The following ATAD1 variants were observed in gnomAD, a reference collection of about 807,000 sequenced individuals.
ATAD1 encodes outer mitochondrial transmembrane helix translocase.
ATAD1 carries 18 observed loss-of-function variants against 42.7 expected under a neutral mutation model. The observed-to-expected ratio is 0.42, with a 90% confidence interval of 0.29 to 0.63. The LOEUF (loss-of-function observed/expected upper bound fraction) is 0.63. Ranked by LOEUF, ATAD1 falls within the 20% of genes least tolerant of loss-of-function variation. The pLI, the probability that ATAD1 is intolerant of heterozygous loss-of-function variation, is 0.19. For missense variants in ATAD1, 294 were observed against 440.4 expected, an observed-to-expected ratio of 0.67 and a Z score of 2.98; for synonymous variants, 132 against 143.1, an observed-to-expected ratio of 0.92 and a Z score of 0.55.
intron 4 of ATAD1, among the ~76,000 whole-genome samples, chr10:87,789,940 A>C (rs1856016042): frequency 6.6e-6 from 1 of 151,768 alleles, no homozygotes; most frequent in Admixed American, 6.6e-5. Context: ...TCTAAAAATA[A>C]GATCGTTGGA....
chr10:87,825,308 C>CTTTTTT (rs1267573215), intron 1 of ATAD1, among the ~76,000 whole-genome samples: 1 of 132,944 alleles, frequency 7.5e-6, no homozygotes, highest in African/African-American at 2.8e-5. Flanking sequence ...AAATCTTAAC[C>CTTTTTT]TTTTTTTTTT....
At chr10:87,787,856 AT>A (rs1300225147) in intron 4 of ATAD1, among the ~76,000 whole-genome samples, 1 of 152,116 alleles carries the variant, frequency 6.6e-6, no homozygotes, top group Non-Finnish European at 1.5e-5. Flanking sequence ...TTTTAAAATT[AT>A]TTTTTTCCTT....
At chr10:87,811,638 G>A (rs1857189174) in intron 2 of ATAD1, among the ~76,000 whole-genome samples, 1 of 152,168 alleles carries the variant, frequency 6.6e-6, no homozygotes, top group Admixed American at 6.5e-5. Flanking sequence ...AATCTTGATG[G>A]TGGTGAGGGG....
chr10:87,778,301 A>G (rs1002557590), intron 5 of ATAD1, among the ~76,000 whole-genome samples: 5 of 151,866 alleles, frequency 3.3e-5, no homozygotes, highest in African/African-American at 1.2e-4. Flanking sequence ...TTAAACAACT[A>G]TATGCTTGCT....
rs925713972 is a variant in ATAD1, at chr10:87,818,212, A to G, written c.-59T>C. The G allele has an allele frequency of 3.0e-6, 3 of 985,428 alleles. No homozygotes were observed. The African/African-American group carries it at 5.2e-5, about 17-fold the overall frequency. The allele number at this position is 985,428 out of a possible 1,614,324, so 61.0% of individuals were successfully genotyped here. On this transcript the variant is annotated 5_prime_UTR_variant, in exon 1 of 10. Transcript: ENST00000680024. ...AGCAAGTGCCCTCAGCCGGCCTCAC[A>G]CAGGAAGGAAACGCAACCTGGGAGA...
intron 8 of ATAD1, among the ~76,000 whole-genome samples, chr10:87,760,431 T>C (rs34466534): frequency 0.29 from 44,635 of 152,054 alleles, 6,764 homozygotes; most frequent in Middle Eastern, 0.31. Flanking sequence ...TTGACCATGA[T>C]TGTTAAGTTT....
chr10:87,819,397 A>G (rs1304364667), upstream of ATAD1: 1 of 151,718 alleles, frequency 6.6e-6, no homozygotes, highest in African/African-American at 2.4e-5. Flanking sequence ...GGCTGCAGTG[A>G]TCAAGCCACT....
chr10:87,838,461 CAA>C (rs770282016), intron 1 of ATAD1, among the ~76,000 whole-genome samples: 1,076 of 42,448 alleles, frequency 0.025, 6 homozygotes, highest in African/African-American at 0.087. Context: ...GACTCTATCT[CAA>C]AAAAAAAAAA....
At chr10:87,824,482 T>G (rs1380507157) in intron 1 of ATAD1, among the ~76,000 whole-genome samples, 1 of 152,210 alleles carries the variant, frequency 6.6e-6, no homozygotes, top group Non-Finnish European at 1.5e-5. Context: ...TTTCCTTATA[T>G]TTAATATGGG....
chr10:87,776,659 A>T (rs1339576125), intron 5 of ATAD1, among the ~76,000 whole-genome samples: 1 of 151,598 alleles, frequency 6.6e-6, no homozygotes, highest in African/African-American at 2.4e-5. Flanking sequence ...TTCTGTAGAG[A>T]CAGGTTGACT....
chr10:87,795,172 T>C (rs1170486493), intron 2 of ATAD1, among the ~76,000 whole-genome samples: 1 of 152,178 alleles, frequency 6.6e-6, no homozygotes, highest in African/African-American at 2.4e-5. Flanking sequence ...CTGATTTGTC[T>C]AATTTCGAAT....
At chr10:87,754,966 A>T (rs528271350) in intron 9 of ATAD1, among the ~76,000 whole-genome samples, 159 bp from the exon 10 acceptor site, 1 of 152,314 alleles carries the variant, frequency 6.6e-6, no homozygotes, top group Admixed American at 6.5e-5. Flanking sequence ...ACCATTCAAG[A>T]CCCCAAAGAC....
intron 2 of ATAD1, among the ~76,000 whole-genome samples, chr10:87,796,085 T>C (rs1014634068): frequency 6.6e-6 from 1 of 152,200 alleles, no homozygotes; most frequent in Admixed American, 6.5e-5. Context: ...GATATAATCA[T>C]TTATTACAAA....
chr10:87,828,498 C>G (rs1015268894), intron 1 of ATAD1, among the ~76,000 whole-genome samples: 3 of 152,148 alleles, frequency 2.0e-5, no homozygotes, highest in African/African-American at 4.8e-5. Context: ...GAGGTTAGTT[C>G]ATGAGGTTTA....
chr10:87,831,158 A>G (rs1857821790), intron 1 of ATAD1, among the ~76,000 whole-genome samples: 2 of 152,238 alleles, frequency 1.3e-5, no homozygotes, highest in African/African-American at 2.4e-5. Flanking sequence ...TAAGCTACGT[A>G]AAGGAACTAG....
intron 2 of ATAD1, among the ~76,000 whole-genome samples, chr10:87,813,259 T>C (rs1412555307): frequency 6.6e-6 from 1 of 152,138 alleles, no homozygotes; most frequent in Non-Finnish European, 1.5e-5. Context: ...TTATAATATT[T>C]TGACATCATA....
chr10:87,809,641 T>TTTTATTTATTTATTTATTTATTTA (rs144658707), intron 2 of ATAD1, among the ~76,000 whole-genome samples: 1 of 150,246 alleles, frequency 6.7e-6, no homozygotes, highest in African/African-American at 2.5e-5. Flanking sequence ...TATTTATTAA[T>TTTTATTTATTTATTTATTTATTTA]TTTATTTATT....
At chr10:87,810,318 C>T (rs1004613965) in intron 2 of ATAD1, among the ~76,000 whole-genome samples, 2 of 151,728 alleles carry the variant, frequency 1.3e-5, no homozygotes, top group Non-Finnish European at 2.9e-5. Flanking sequence ...TTTATTTTCA[C>T]AAATCATATG....
chr10:87,785,205 A>G (rs1046346291), intron 4 of ATAD1, among the ~76,000 whole-genome samples: 1 of 152,154 alleles, frequency 6.6e-6, no homozygotes, highest in African/African-American at 2.4e-5. Context: ...ATAAAACTAT[A>G]TTATTAACCT....
Sources: gnomAD v4.1 joint callset for allele counts (sites outside exome capture counted in the v4.1 genomes callset) on GRCh38, gnomAD v4.1.1 for gene constraint, MANE v1.5 for transcripts, NCBI Gene and HGNC (gene_info 2026-07-23, HGNC 2026-07-21) for gene names.